Variants in CNTNAP4 observed in about 807,000 individuals in gnomAD.
The protein encoded by CNTNAP4 is contactin-associated protein-like 4.
In CNTNAP4, 98 loss-of-function variants were observed where a neutral mutation model predicts 148.4. That is an observed-to-expected ratio of 0.66 (90% CI 0.56 to 0.78). CNTNAP4 has a LOEUF of 0.78. Among genes scored for constraint, CNTNAP4 ranks in the 30% least tolerant of loss-of-function variants. CNTNAP4 has a pLI of 0.00. For missense variants in CNTNAP4, 1,935 were observed against 1,565.6 expected (o/e 1.24, Z -3.98); for synonymous variants, 730 against 565.1 (o/e 1.29, Z -4.14).
Position 76,539,831 on chromosome 16 carries a change from A to G in CNTNAP4, c.3333A>G (p.Glu1111=), listed in dbSNP as rs574053792. 6.9e-6 allele frequency: 11 copies of G among 1,597,270 alleles called. No individual in the cohort carries two copies. In the Admixed American group the frequency reaches 1.6e-4, roughly 24 times the overall value. ...TTCACCACATAATGATTAACAGAGA[A>G]GAAGGAGTGGTCTTTATAGAGGTAA... ...GQLHHIMINR[E]EGVVFIEIDD... Residue 1111 remains glutamate (E), a synonymous_variant, in exon 20 of 24, where the codon GAA becomes GAG. Transcript: ENST00000611870.
At chr16:76,406,880 A>G (rs2078615527) in intron 3 of CNTNAP4, among the ~76,000 whole-genome samples, 1 of 152,172 alleles carries the variant, frequency 6.6e-6, no homozygotes, top group Admixed American at 6.5e-5. Flanking sequence ...TGAAGCAGCA[A>G]ATCCTTAGGA....
intron 4 of CNTNAP4, among the ~76,000 whole-genome samples, chr16:76,429,644 A>G (rs532509539): frequency 5.3e-5 from 8 of 152,310 alleles, no homozygotes; most frequent in African/African-American, 1.9e-4. Context: ...AGCACCAGGT[A>G]TAATGTCCAC....
intron 15 of CNTNAP4, among the ~76,000 whole-genome samples, chr16:76,520,840 G>A (rs2144097834): frequency 6.6e-6 from 1 of 152,218 alleles, no homozygotes; most frequent in Non-Finnish European, 1.5e-5. Flanking sequence ...TTTGGTGGAG[G>A]ATATACTATT....
intron 10 of CNTNAP4, among the ~76,000 whole-genome samples, chr16:76,475,737 C>T (rs1263812963): frequency 1.3e-5 from 2 of 152,186 alleles, no homozygotes; most frequent in African/African-American, 4.8e-5. Context: ...GCAGTCACAA[C>T]TATCTGAGAA....
chr16:76,293,170 G>A (rs1004407074), intron 1 of CNTNAP4, among the ~76,000 whole-genome samples: 1 of 151,560 alleles, frequency 6.6e-6, no homozygotes, highest in African/African-American at 2.4e-5. Context: ...CTGTTGCCAG[G>A]CTGGAGTGCA....
chr16:76,504,064 CT>C (rs2082750899), intron 15 of CNTNAP4, among the ~76,000 whole-genome samples: 1 of 151,928 alleles, frequency 6.6e-6, no homozygotes, highest in African/African-American at 2.4e-5. Flanking sequence ...CCAGCAATCT[CT>C]TTTTTGGGAG....
At position 76,479,530 on chromosome 16, in the gene CNTNAP4, A is replaced by G; in HGVS notation, c.1874A>G (p.Asn625Ser). ...CTGGAACCATTTCTTCTATATTGCA[A>G]TATGACCGGTGAGTTAATCAGCTTT... ...GPLEPFLLYC[N>S]MTETAWTIIQ... Residue 625 changes from asparagine to serine, a missense_variant, in exon 12 of 24, where the codon AAT becomes AGT. Physicochemically the swap from Asn to Ser is conservative, Grantham distance 46 (BLOSUM62 1). Transcript: ENST00000611870. 3 of 1,607,366 alleles carry G rather than the reference A, an allele frequency of 1.9e-6. No homozygotes were observed. The highest frequency in any genetic ancestry group is 2.2e-5 in the East Asian group (1 of 44,544).
At chr16:76,498,913 G>A (rs999976212) in intron 15 of CNTNAP4, among the ~76,000 whole-genome samples, 2 of 152,106 alleles carry the variant, frequency 1.3e-5, no homozygotes, top group South Asian at 4.1e-4. Flanking sequence ...AGGAAAGAAT[G>A]GGAAGTTACA....
chr16:76,410,427 C>T (rs1249021881), intron 3 of CNTNAP4, among the ~76,000 whole-genome samples: 1 of 151,706 alleles, frequency 6.6e-6, no homozygotes, highest in African/African-American at 2.4e-5. Context: ...TATCAAGATA[C>T]CCATGGGTAT....
chr16:76,304,191 G>A (rs544174480), intron 1 of CNTNAP4, among the ~76,000 whole-genome samples: 8 of 152,086 alleles, frequency 5.3e-5, no homozygotes, highest in African/African-American at 7.2e-5. Flanking sequence ...TAGGAAAGGC[G>A]ATTTAAATAA....
At chr16:76,298,063 T>A (rs1959500968) in intron 1 of CNTNAP4, among the ~76,000 whole-genome samples, 1 of 152,190 alleles carries the variant, frequency 6.6e-6, no homozygotes, top group Admixed American at 6.6e-5. Context: ...CTCTTTAGTG[T>A]CCCTACATCT....
chr16:76,460,579 G>A (rs2080906089), intron 8 of CNTNAP4, among the ~76,000 whole-genome samples: 2 of 144,632 alleles, frequency 1.4e-5, no homozygotes, highest in South Asian at 4.5e-4. Flanking sequence ...GGCTAACACG[G>A]TGAAACCCCG....
chr16:76,386,832 C>T (rs939988190), intron 3 of CNTNAP4, among the ~76,000 whole-genome samples: 3 of 152,006 alleles, frequency 2.0e-5, no homozygotes, highest in African/African-American at 7.3e-5. Context: ...CAGGTGGGCC[C>T]AGTGTAATCA....
intron 3 of CNTNAP4, among the ~76,000 whole-genome samples, chr16:76,394,544 T>C (rs1390725206): frequency 2.0e-5 from 3 of 152,194 alleles, no homozygotes; most frequent in Admixed American, 6.5e-5. Context: ...CCTAGAGTGA[T>C]GGGATTATGA....
chr16:76,363,792 A>G (rs1011638182), intron 3 of CNTNAP4, among the ~76,000 whole-genome samples: 14 of 152,174 alleles, frequency 9.2e-5, no homozygotes, highest in Non-Finnish European at 2.9e-5. Context: ...CCTCAATCAC[A>G]AGTCAACACA....
intron 17 of CNTNAP4, among the ~76,000 whole-genome samples, chr16:76,533,816 CTAGATTTATAAA>C (rs1271828047): frequency 6.6e-6 from 1 of 152,152 alleles, no homozygotes; most frequent in Admixed American, 6.5e-5. Flanking sequence ...TTGACACTCT[CTAGATTTATAAA>C]TAGATTTATA....
At chr16:76,448,654 T>C in intron 5 of CNTNAP4, 113 bp from the exon 6 acceptor site, 1 of 700,808 alleles carries the variant, frequency 1.4e-6, no homozygotes, top group Non-Finnish European at 2.3e-6. Context: ...TGAAACGGAA[T>C]GCGTAGAAGG....
At position 76,448,794 on chromosome 16, in the gene CNTNAP4, C is replaced by T. The variant is rs749618410; in HGVS notation, c.770C>T (p.Thr257Ile). The T allele has an allele frequency of 3.7e-6, 6 of 1,610,666 alleles. No individual in the cohort carries two copies. In the East Asian group the frequency reaches 8.9e-5, roughly 24 times the overall value. Residue 257 changes from threonine to isoleucine, a missense_variant, in exon 6 of 24, where the codon ACC (threonine) becomes ATC (isoleucine). Thr to Ile is a moderately conservative substitution (Grantham distance 89). Coordinates refer to ENST00000611870, the MANE Select transcript of CNTNAP4 (RefSeq NM_033401.5). ...SGEAKLPSTS[T>I]LVNLTLGSLL... Reference sequence around the variant, plus strand: ...GAAGCTAAACTGCCTTCCACTTCCACCCTGGTCAATCTCACCCTGGGCAGC... The same window carrying T: ...GAAGCTAAACTGCCTTCCACTTCCATCCTGGTCAATCTCACCCTGGGCAGC...
At chr16:76,395,986 C>A (rs1257177443) in intron 3 of CNTNAP4, among the ~76,000 whole-genome samples, 1 of 152,124 alleles carries the variant, frequency 6.6e-6, no homozygotes, top group Admixed American at 6.5e-5. Context: ...GCCTCAGCCT[C>A]CCAAAATGCG....
Sources: gnomAD v4.1 joint callset for allele counts (sites outside exome capture counted in the v4.1 genomes callset) on GRCh38, gnomAD v4.1.1 for gene constraint, MANE v1.5 for transcripts, NCBI Gene and HGNC (gene_info 2026-07-23, HGNC 2026-07-21) for gene names.